Variants in CD48 observed in about 807,000 individuals in gnomAD.
CD48 encodes the protein CD48 antigen.
CD48 carries 20 observed loss-of-function variants against 22.0 expected under a neutral mutation model. That is an observed-to-expected ratio of 0.91 (90% CI 0.64 to 1.32). CD48 has a LOEUF of 1.32. Ranked by LOEUF, CD48 falls within the 40% of genes most tolerant of loss-of-function variation. The probability of loss-of-function intolerance (pLI) is 0.00; values close to 1 mark genes in which losing one functional copy is unlikely to be tolerated. For synonymous variants in CD48, 110 were observed against 110.1 expected (o/e 1.00, Z 0.01); for missense variants, 307 against 286.5 (o/e 1.07, Z -0.52).
intron 1 of CD48, among the ~76,000 whole-genome samples, chr1:160,705,801 C>T (rs528093220): frequency 6.6e-6 from 1 of 152,250 alleles, no homozygotes; most frequent in East Asian, 1.9e-4. Flanking sequence ...TTGTAGGGGG[C>T]TGTTCTGTGC....
At chr1:160,679,297 C>T (rs1181482917) in intron 3 of CD48, among the ~76,000 whole-genome samples, 166 bp from the exon 4 acceptor site, 1 of 152,164 alleles carries the variant, frequency 6.6e-6, no homozygotes, top group African/African-American at 2.4e-5. Context: ...TCCTCAATCT[C>T]CCCAAACATA....
chr1:160,704,914 T>C (rs1000408624), intron 1 of CD48, among the ~76,000 whole-genome samples: 1 of 152,100 alleles, frequency 6.6e-6, no homozygotes, highest in African/African-American at 2.4e-5. Flanking sequence ...GGGAGGTCCA[T>C]TGGTCCTTTT....
intron 1 of CD48, among the ~76,000 whole-genome samples, chr1:160,705,233 C>T (rs945198064): frequency 2.0e-5 from 3 of 152,184 alleles, no homozygotes; most frequent in African/African-American, 4.8e-5. Context: ...AAGCACTTAC[C>T]CTGTCCTGGT....
Position 160,691,730 on chromosome 1 carries a change from G to C in CD48, c.83-6541C>G, listed in dbSNP as rs180996419. 43 of 342,974 alleles carry C rather than the reference G, an allele frequency of 1.3e-4. No individual in the cohort carries two copies. The East Asian group carries it at 1.7e-3, about 14-fold the overall frequency. The allele number at this position is 342,974 out of a possible 1,614,324, so 21.2% of individuals were successfully genotyped here. A position where few individuals can be genotyped will look rare whatever the true frequency, so the allele number is the denominator to read the frequency against. On this transcript the variant is annotated intron_variant, in intron 1 of 3. Transcript: ENST00000368046. ...CACCTTACGAGAAACACCCACAGGT[G>C]TGGAGGGGCAACCCACCCCTTCATC...
rs1170041044 is a variant in CD48 at position 160,684,977 on chromosome 1, C to T, written c.295G>A (p.Val99Ile). 1 of 1,614,164 alleles carries T rather than the reference C, an allele frequency of 6.2e-7. No homozygotes were observed. Among genetic ancestry groups the T allele is most frequent in the Admixed American group, 1.7e-5 (1 of 60,026 alleles). Residue 99 changes from valine to isoleucine, a missense_variant, in exon 2 of 4, where the codon GTC becomes ATC. Val to Ile is a conservative substitution (Grantham distance 29). Transcript: ENST00000368046. Reference protein sequence around the residue: ...PQSGALYISKVQKEDNSTYIM... With the variant: ...PQSGALYISKIQKEDNSTYIM... ...TAGGTGCTGTTGTCCTCTTTCTGGA[C>T]CTTAGAGATGTACAGTGCGCCACTC... is the stretch of plus-strand genomic sequence containing the variant.
At chr1:160,695,817 C>G (rs1212165015) in intron 1 of CD48, among the ~76,000 whole-genome samples, 5 of 149,580 alleles carry the variant, frequency 3.3e-5, no homozygotes, top group African/African-American at 1.0e-4. Context: ...TCCTTCCTCA[C>G]AGTACAGTTA....
intron 3 of CD48, among the ~76,000 whole-genome samples, chr1:160,680,033 T>C (rs548161553): frequency 6.6e-6 from 1 of 152,186 alleles, no homozygotes; most frequent in East Asian, 1.9e-4. Context: ...ATACACAGTC[T>C]CCGTAGTCCA....
intron 1 of CD48, 134 bp from the exon 2 acceptor site, chr1:160,685,323 C>G (rs1661961273): frequency 3.0e-6 from 2 of 674,596 alleles, no homozygotes; most frequent in South Asian, 4.1e-5. Context: ...ATGGTTTTCA[C>G]TGGAGGTCCA....
At chr1:160,683,674 G>C (rs753895569) in intron 2 of CD48, 11 of 152,160 alleles carry the variant, frequency 7.2e-5, no homozygotes, top group Non-Finnish European at 1.5e-4. Flanking sequence ...ATCAGGGACT[G>C]TCTGGCTGGT....
At chr1:160,685,984 G>T (rs1007002472) in intron 1 of CD48, among the ~76,000 whole-genome samples, 11 of 152,218 alleles carry the variant, frequency 7.2e-5, no homozygotes, top group African/African-American at 2.7e-4. Context: ...TATCTTTCTA[G>T]ATTCTGCTTG....
chr1:160,693,994 G>A (rs1417712851), intron 1 of CD48, among the ~76,000 whole-genome samples: 1 of 152,198 alleles, frequency 6.6e-6, no homozygotes, highest in East Asian at 1.9e-4. Context: ...TTCCAGGGGA[G>A]CCCCCACAAA....
intron 1 of CD48, among the ~76,000 whole-genome samples, chr1:160,691,474 T>A (rs146192836): frequency 0.01 from 1,578 of 152,278 alleles, 16 homozygotes; most frequent in Admixed American, 0.017. Flanking sequence ...ACCTTGTCTA[T>A]GATGCAAAGA....
rs1266654008 is a variant in CD48, at chr1:160,691,890, G to T, written c.83-6701C>A. Reference sequence around the variant, plus strand: ...AGCTTGTGCACTCGGAAGAAGCTAGGGTGACAATGGGGCAAACTAAAACTA... The same window carrying T: ...AGCTTGTGCACTCGGAAGAAGCTAGTGTGACAATGGGGCAAACTAAAACTA... On this transcript the variant is annotated intron_variant, in intron 1 of 3. Coordinates refer to ENST00000368046, the MANE Select transcript of CD48 (RefSeq NM_001778.4). The T allele has an allele frequency of 5.9e-5, 19 of 320,292 alleles. No individual in the cohort carries two copies. The East Asian group carries it at 8.6e-4, about 15-fold the overall frequency. The allele number at this position is 320,292 out of a possible 1,614,324, so 19.8% of individuals were successfully genotyped here.
intron 1 of CD48, among the ~76,000 whole-genome samples, chr1:160,708,152 G>C (rs1309543467): frequency 6.6e-6 from 1 of 152,146 alleles, no homozygotes. Flanking sequence ...ATGACGACTG[G>C]GGGTAGTGAA....
At chr1:160,691,868 T>C (rs352699) in intron 1 of CD48, 159,920 of 339,176 alleles carry the variant, frequency 0.47, 36,985 homozygotes, top group East Asian at 0.73. Flanking sequence ...TACGGTAAGC[T>C]TGTGCACTCG....
intron 2 of CD48, 151 bp from the exon 3 acceptor site, chr1:160,681,619 A>G: frequency 2.0e-6 from 2 of 993,570 alleles, no homozygotes; most frequent in Non-Finnish European, 2.9e-6. Flanking sequence ...GGAGCCAGTG[A>G]GCAGCCTTGA....
intron 3 of CD48, among the ~76,000 whole-genome samples, chr1:160,680,269 A>G (rs890686161): frequency 3.3e-5 from 5 of 152,134 alleles, no homozygotes; most frequent in Admixed American, 3.3e-4. Flanking sequence ...TGACTCTGGT[A>G]TTTCCCAGAG....
At chr1:160,694,087 A>G (rs1662322053) in intron 1 of CD48, among the ~76,000 whole-genome samples, 2 of 152,242 alleles carry the variant, frequency 1.3e-5, no homozygotes, top group African/African-American at 2.4e-5. Flanking sequence ...ATCTAAAAGG[A>G]GTTCAAATTC....
rs201970913 is a variant in CD48 at position 160,685,036 on chromosome 1, G to T, written c.236C>A (p.Ser79Tyr). The change falls in exon 2 of 4, where the codon TCC (serine) becomes TAC (tyrosine). Residue 79 changes from serine (S) to tyrosine (Y), a missense_variant. Coordinates refer to ENST00000368046, the MANE Select transcript of CD48 (RefSeq NM_001778.4). ...AAGTCTGACCCTGCCTTTAAATTTG[G>T]ATTCAAAGTACTTAGATTTTCTGGA... Reference protein sequence around the residue: ...WDSRKSKYFESKFKGRVRLDP... With the variant: ...WDSRKSKYFEYKFKGRVRLDP... 11 of 1,614,172 alleles carry T rather than the reference G, an allele frequency of 6.8e-6. No homozygotes were observed. The African/African-American group carries it at 1.3e-4, about 20-fold the overall frequency.
Sources: allele counts gnomAD v4.1 joint callset (sites outside exome capture counted in the v4.1 genomes callset), GRCh38; gene constraint gnomAD v4.1.1; transcripts MANE v1.5; gene names NCBI Gene and HGNC (gene_info 2026-07-23, HGNC 2026-07-21).